CTBP2: variants seen among roughly 807,000 people sequenced by gnomAD.
CTBP2 encodes C-terminal-binding protein 2.
CTBP2 carries 30 observed loss-of-function variants against 80.3 expected under a neutral mutation model. The observed-to-expected ratio is 0.37, with a 90% CI of 0.28 to 0.51. The LOEUF (loss-of-function observed/expected upper bound fraction) is 0.51. CTBP2 is among the 20% of genes least tolerant of loss of function. The pLI is 0.93. For missense variants in CTBP2, 1,212 were observed against 1,375.3 expected, an observed-to-expected ratio of 0.88 and a Z score of 1.88; for synonymous variants, 594 against 587.4, an observed-to-expected ratio of 1.01 and a Z score of -0.16.
chr10:125,047,896 T>A (rs1051108776), intron 2 of CTBP2, among the ~76,000 whole-genome samples: 1 of 152,186 alleles, frequency 6.6e-6, no homozygotes, highest in Non-Finnish European at 1.5e-5. Flanking sequence ...TAGCTACTTA[T>A]CAAACAAATT....
Position 125,078,851 on chromosome 10 carries a change from A to G in CTBP2, c.-102+32139T>C, listed in dbSNP as rs191725969. On this transcript the variant is annotated intron_variant, in intron 2 of 10. Transcript: ENST00000337195. ...TTAGACCAATCAAAAAATTTGGAATAACCAGGCCTGGCACGGTGGCTCGTG... is the reference window on the plus strand; with the variant it reads ...TTAGACCAATCAAAAAATTTGGAATGACCAGGCCTGGCACGGTGGCTCGTG... Among the ~76,000 whole-genome samples the G allele has an allele frequency of 1.8e-3, 281 of 152,186 alleles. 4 individuals are homozygous for G. Among genetic ancestry groups the G allele is most frequent in the Admixed American group, 0.017 (262 of 15,286 alleles).
At chr10:125,158,221 T>A (rs1861284806) in intron 1 of CTBP2, among the ~76,000 whole-genome samples, 1 of 152,142 alleles carries the variant, frequency 6.6e-6, no homozygotes, top group African/African-American at 2.4e-5. Flanking sequence ...ACTACCCACT[T>A]CTACTTGGAA....
chr10:125,056,177 AAT>A (rs1190054526), intron 2 of CTBP2, among the ~76,000 whole-genome samples: 40 of 133,992 alleles, frequency 3.0e-4, no homozygotes, highest in African/African-American at 1.0e-3. Flanking sequence ...AAATAAAAAT[AAT>A]AATAATAATA....
intron 1 of CTBP2, among the ~76,000 whole-genome samples, chr10:125,112,241 T>G (rs1017286901): frequency 6.7e-6 from 1 of 149,938 alleles, no homozygotes; most frequent in Non-Finnish European, 1.5e-5. Flanking sequence ...GCCTCCTGAA[T>G]AGCTGGGACT....
intron 3 of CTBP2, among the ~76,000 whole-genome samples, chr10:125,033,073 T>C (rs1230237982): frequency 6.6e-6 from 1 of 152,166 alleles, no homozygotes; most frequent in Non-Finnish European, 1.5e-5. Flanking sequence ...AAGTCTCGGA[T>C]AAATCTGCGT....
chr10:124,986,291 G>GCACACACACACACACACA lies in CTBP2; in HGVS notation c.*3209_*3226dup, dbSNP rs58255988. On this transcript the variant is annotated 3_prime_UTR_variant, in exon 9 of 9. Coordinates refer to ENST00000309035, the MANE Select transcript of CTBP2 (RefSeq NM_022802.3). The stretch of plus-strand genomic sequence containing the variant: ...AGACGACACACGCACGCGCGCGCGC[G>GCACACACACACACACACA]CACACACACACACACACACACACAC... 1 of 116,018 alleles carries GCACACACACACACACACA rather than the reference G, an allele frequency of 8.6e-6. No individual in the cohort carries two copies. The highest frequency in any genetic ancestry group is 3.3e-5 in the African/African-American group (1 of 30,494). 7.2% of individuals were successfully genotyped at this position (116,018 alleles called of 1,614,324 possible).
intron 2 of CTBP2, among the ~76,000 whole-genome samples, chr10:125,049,056 C>CACAA (rs1377486084): frequency 1.4e-5 from 1 of 70,520 alleles, no homozygotes; most frequent in Admixed American, 1.5e-4. Context: ...GACACACACA[C>CACAA]ACACACACAC....
intron 1 of CTBP2, among the ~76,000 whole-genome samples, chr10:125,112,176 G>A (rs549470705): frequency 1.1e-3 from 157 of 137,962 alleles, no homozygotes; most frequent in African/African-American, 3.7e-3. Context: ...GCAATGGCGC[G>A]ATCTCGGCTC....
chr10:125,131,172 G>A (rs1048364770), intron 1 of CTBP2, among the ~76,000 whole-genome samples: 6 of 152,164 alleles, frequency 3.9e-5, no homozygotes, highest in African/African-American at 1.4e-4. Flanking sequence ...GTCTGGGAAC[G>A]CCATGCTGGA....
chr10:125,110,152 G>C (rs1852061908), intron 2 of CTBP2, among the ~76,000 whole-genome samples: 1 of 152,222 alleles, frequency 6.6e-6, no homozygotes, highest in South Asian at 2.1e-4. Flanking sequence ...TCCCCTCAAG[G>C]CTCTGCTAGG....
intron 1 of CTBP2, among the ~76,000 whole-genome samples, chr10:125,127,531 G>T (rs1158546637): frequency 6.6e-6 from 1 of 152,200 alleles, no homozygotes; most frequent in Non-Finnish European, 1.5e-5. Context: ...GTTTGGTGAG[G>T]TATTGTAAAT....
chr10:125,114,376 TCA>T (rs1852832854), intron 1 of CTBP2, among the ~76,000 whole-genome samples: 1 of 152,054 alleles, frequency 6.6e-6, no homozygotes, highest in Non-Finnish European at 1.5e-5. Context: ...GTGTGTACTC[TCA>T]CACATCCCAG....
intron 3 of CTBP2, among the ~76,000 whole-genome samples, chr10:125,037,792 A>T (rs893661165): frequency 7.2e-5 from 11 of 152,230 alleles, no homozygotes; most frequent in African/African-American, 2.4e-4. Context: ...GTGCCATGCC[A>T]TAGGTAGTCC....
Position 125,027,602 on chromosome 10 carries a change from G to A in CTBP2, c.158C>T (p.Pro53Leu). ...GGCAGCGTCCTGTGGTCGGTGGTTT[G>A]GCTCAAACCAAGTCCCCTCTGCTGT... Residue 53 changes from proline (P) to leucine (L), a missense_variant, in exon 1 of 9, where the codon CCA becomes CTA. Pro to Leu is a moderately conservative substitution (Grantham distance 98). This residue lies in a region of CTBP2 where 848 missense variants were observed against 782.3 expected (regional missense o/e 1.08). Coordinates refer to ENST00000309035, the MANE Select transcript of CTBP2 (RefSeq NM_022802.3). 2 of 1,614,072 alleles carry A rather than the reference G, an allele frequency of 1.2e-6. No individual in the cohort carries two copies. Among genetic ancestry groups the A allele is most frequent in the Non-Finnish European group, 1.7e-6 (2 of 1,180,028 alleles).
intron 2 of CTBP2, among the ~76,000 whole-genome samples, chr10:125,052,006 C>G (rs914059051): frequency 1.3e-5 from 2 of 152,198 alleles, no homozygotes; most frequent in African/African-American, 4.8e-5. Context: ...CTCAGACTTC[C>G]AGCCTCTAGA....
intron 1 of CTBP2, among the ~76,000 whole-genome samples, chr10:125,011,330 G>T (rs1383251326): frequency 6.6e-6 from 1 of 152,210 alleles, no homozygotes; most frequent in Non-Finnish European, 1.5e-5. Context: ...AATGAGTCAC[G>T]ATGTGACACA....
chr10:125,070,410 G>A (rs530773577), intron 2 of CTBP2, among the ~76,000 whole-genome samples: 1 of 151,958 alleles, frequency 6.6e-6, no homozygotes, highest in East Asian at 1.9e-4. Flanking sequence ...TATAGGGAAA[G>A]GCCAGGTGGG....
At chr10:125,118,323 C>T (rs1354637803) in intron 1 of CTBP2, among the ~76,000 whole-genome samples, 1 of 152,092 alleles carries the variant, frequency 6.6e-6, no homozygotes, top group East Asian at 1.9e-4. Flanking sequence ...CGAAGTGGCT[C>T]CAGGACGGAG....
At chr10:124,993,796 G>T (rs1338113024) in intron 6 of CTBP2, 59 bp downstream of exon 8, 24 of 1,553,334 alleles carry the variant, frequency 1.5e-5, no homozygotes, top group Non-Finnish European at 2.1e-5. Context: ...CAAAGTGTGG[G>T]GGTCAGGTGT....
Sources: gnomAD v4.1 joint callset for allele counts (sites outside exome capture counted in the v4.1 genomes callset) on GRCh38, gnomAD v4.1.1 for gene constraint, gnomAD v4.1.1 regional missense constraint, MANE v1.5 for transcripts, NCBI Gene and HGNC (gene_info 2026-07-23, HGNC 2026-07-21) for gene names.